The following ACOX3 variants were observed in gnomAD, a reference collection of about 807,000 sequenced individuals.
ACOX3 encodes the protein acyl-CoA oxidase 3, pristanoyl, also known as peroxisomal acyl-coenzyme A oxidase 3.
Under a neutral mutation model 81.5 loss-of-function variants are expected in ACOX3, and 73 were observed. The observed-to-expected ratio is 0.90, with a 90% CI of 0.74 to 1.09. The LOEUF (loss-of-function observed/expected upper bound fraction) is 1.09. ACOX3 is among the 50% of genes least tolerant of loss of function. ACOX3 has a pLI of 0.00. For missense variants in ACOX3, 947 were observed against 928.0 expected, an observed-to-expected ratio of 1.02 and a Z score of -0.27; for synonymous variants, 387 against 375.1, an observed-to-expected ratio of 1.03 and a Z score of -0.37.
In ACOX3 at chr4:8,403,400, C is replaced by T. The variant is rs191196073; in HGVS notation, c.776+2555G>A. ...AGCCCTGGATGGGAAATGTGCATTTCTGGAAAGGGGCGGAGAGCAGGCCGC... is the reference window on the plus strand; with the variant it reads ...AGCCCTGGATGGGAAATGTGCATTTTTGGAAAGGGGCGGAGAGCAGGCCGC... On this transcript the variant is annotated intron_variant, in intron 7 of 17. Transcript: ENST00000356406. Among the ~76,000 whole-genome samples, 6 of 152,300 alleles carry T rather than the reference C, an allele frequency of 3.9e-5. No homozygotes were observed. In the East Asian group the frequency reaches 1.2e-3, roughly 29 times the overall value.
At position 8,406,057 on chromosome 4, in the gene ACOX3, CA is replaced by C. The variant is rs1560191528; in HGVS notation, c.688-15del. ...CGGGTCCCGGATCTATACAAAGCCA[CA>C]GAAAGCAGCAAACAGCAACTGTTAC... On this transcript the variant is annotated splice_polypyrimidine_tract_variant and intron_variant, in intron 6 of 17. Transcript: ENST00000356406. This position sits in a 1 kb window ranked among gnomAD's most constrained non-coding sequence, Gnocchi z 5.6. 8.7e-6 allele frequency: 14 copies of C among 1,611,268 alleles called. No homozygotes were observed. Among genetic ancestry groups the C allele is most frequent in the Non-Finnish European group, 1.2e-5 (14 of 1,177,606 alleles).
At position 8,384,635 on chromosome 4, in the gene ACOX3, G is replaced by A. The variant is rs1578884016; in HGVS notation, c.1538-3028C>T. 6.6e-6 allele frequency among the ~76,000 whole-genome samples: 1 copy of A among 152,088 alleles called. No individual in the cohort carries two copies. Among genetic ancestry groups the A allele is most frequent in the East Asian group, 1.9e-4 (1 of 5,182 alleles). ...TGCCCCTCGATCTGCCCCCTCCCCA[G>A]CTGGGGCTCTGTCCTTGACCCCATG... On this transcript the variant is annotated intron_variant, in intron 13 of 17. Transcript: ENST00000356406. This position sits in a 1 kb window ranked among gnomAD's most constrained non-coding sequence, Gnocchi z 5.3.
rs148676434 is a variant in ACOX3, at chr4:8,433,863, A to G, written c.-15+6785T>C. On this transcript the variant is annotated intron_variant, in intron 1 of 17. Coordinates refer to ENST00000356406, the MANE Select transcript of ACOX3 (RefSeq NM_003501.3). ...TGTTGGGCTAAATTGGCAGTATCCA[A>G]CCTTCTCTGTTCCTCCTGGGGACAT... Among the ~76,000 whole-genome samples the G allele has an allele frequency of 3.9e-5, 6 of 152,278 alleles. No individual in the cohort carries two copies. The East Asian group carries it at 1.2e-3, about 29-fold the overall frequency.
At position 8,386,892 on chromosome 4, in the gene ACOX3, C is replaced by T. The variant is rs535545312; in HGVS notation, c.1537+2281G>A. Among the ~76,000 whole-genome samples, 13 of 152,346 alleles carry T rather than the reference C, an allele frequency of 8.5e-5. No individual in the cohort carries two copies. The South Asian group carries it at 1.0e-3, about 12-fold the overall frequency. On this transcript the variant is annotated intron_variant, in intron 13 of 17. Coordinates refer to ENST00000356406, the MANE Select transcript of ACOX3 (RefSeq NM_003501.3). This position sits in a 1 kb window ranked among gnomAD's most constrained non-coding sequence, Gnocchi z 5.2. The stretch of plus-strand genomic sequence containing the variant: ...AGGGCTGGAGACGGACAAGGACACA[C>T]GCTCGGGGGCTGCTATCACATCCAC...
intron 1 of ACOX3, among the ~76,000 whole-genome samples, chr4:8,421,783 G>C (rs1405738624): frequency 1.3e-5 from 2 of 152,140 alleles, no homozygotes; most frequent in Non-Finnish European, 1.5e-5. Flanking sequence ...TCTCGACATG[G>C]GAAGTTATGT....
At position 8,368,349 on chromosome 4, in the gene ACOX3, G is replaced by C. The variant is rs1021384212; in HGVS notation, c.1984-1269C>G. ...GAGGAAGGTTGTACAAATGAAGGGC[G>C]AAGGGCAGCTGAGCAGACACTTCAC... On this transcript the variant is annotated intron_variant, in intron 17 of 17. Coordinates refer to ENST00000356406, the MANE Select transcript of ACOX3 (RefSeq NM_003501.3). This position sits in a 1 kb window ranked among gnomAD's most constrained non-coding sequence, Gnocchi z 5.9. Among the ~76,000 whole-genome samples the C allele has an allele frequency of 6.6e-6, 1 of 152,234 alleles. No individual in the cohort carries two copies. Among genetic ancestry groups the C allele is most frequent in the Non-Finnish European group, 1.5e-5 (1 of 68,046 alleles).
chr4:8,367,806 C>CAAAA lies in ACOX3; in HGVS notation c.1984-730_1984-727dup, dbSNP rs535574857. Among the ~76,000 whole-genome samples the CAAAA allele has an allele frequency of 1.2e-3, 54 of 46,704 alleles. 4 individuals carry two copies. Among genetic ancestry groups the CAAAA allele is most frequent in the East Asian group, 3.6e-3 (3 of 844 alleles). The allele number at this position is 46,704 out of a possible 152,430, so 30.6% of individuals were successfully genotyped here. On this transcript the variant is annotated intron_variant, in intron 17 of 17. Transcript: ENST00000356406. Reference sequence around the variant, plus strand: ...GCAACACGGCGAAACCCCATCTTTACAAAAAAAAAAAAAAAAAAAAAAAAA... The same window carrying CAAAA: ...GCAACACGGCGAAACCCCATCTTTACAAAAAAAAAAAAAAAAAAAAAAAAAAAAA...
intron 8 of ACOX3, among the ~76,000 whole-genome samples, chr4:8,398,137 G>A (rs1719930186): frequency 6.6e-6 from 1 of 152,194 alleles, no homozygotes; most frequent in African/African-American, 2.4e-5. Context: ...TTGCACTGCA[G>A]CCTGGGTGAC....
intron 17 of ACOX3, among the ~76,000 whole-genome samples, chr4:8,369,355 C>T (rs755843949): frequency 2.1e-4 from 32 of 152,164 alleles, no homozygotes; most frequent in Non-Finnish European, 1.0e-4. Context: ...CCCAAGGCTC[C>T]CGCCAAGTCT....
chr4:8,393,713 G>A (rs1309023236), intron 10 of ACOX3, among the ~76,000 whole-genome samples: 1 of 151,938 alleles, frequency 6.6e-6, no homozygotes, highest in Non-Finnish European at 1.5e-5. Context: ...TCACATAAGG[G>A]GCTGAGCTGA....
At chr4:8,373,431 A>C in intron 16 of ACOX3, 130 bp downstream of exon 16, 2 of 924,686 alleles carry the variant, frequency 2.2e-6, no homozygotes, top group Admixed American at 2.1e-5. Context: ...GGTGACGCTA[A>C]GGGGGTGCGT....
chr4:8,421,992 A>G (rs1352758061), intron 1 of ACOX3, among the ~76,000 whole-genome samples: 1 of 152,256 alleles, frequency 6.6e-6, no homozygotes, highest in Non-Finnish European at 1.5e-5. Context: ...TGTGTCTACG[A>G]CAACAGAATA....
At chr4:8,360,488 T>G in the ACOX3 span, among the ~76,000 whole-genome samples, 1 of 151,760 alleles carries the variant, frequency 6.6e-6, no homozygotes, top group South Asian at 2.1e-4. Flanking sequence ...TTTTTTTTTT[T>G]TGAGACAGAG....
chr4:8,388,329 G>A (rs986852703), intron 13 of ACOX3, among the ~76,000 whole-genome samples: 4 of 152,244 alleles, frequency 2.6e-5, no homozygotes, highest in Non-Finnish European at 5.9e-5. Context: ...AGTCCCATGA[G>A]GGCAGGCACA....
chr4:8,431,756 C>T lies in ACOX3; in HGVS notation c.-15+8892G>A, dbSNP rs1190445310. Among the ~76,000 whole-genome samples the T allele has an allele frequency of 2.0e-5, 3 of 152,224 alleles. No individual in the cohort carries two copies. The highest frequency in any genetic ancestry group is 3.8e-4 in the East Asian group (2 of 5,202). On this transcript the variant is annotated intron_variant, in intron 1 of 17. Coordinates refer to ENST00000356406, the MANE Select transcript of ACOX3 (RefSeq NM_003501.3). The surrounding 1 kb of genome is among the most constrained non-coding windows in gnomAD (Gnocchi z 5.3). ...GCACTGCCATAGGGCCTCACCCACCCCCTCTCTTGTTTATCTTGACTTCTG... is the reference window on the plus strand; with the variant it reads ...GCACTGCCATAGGGCCTCACCCACCTCCTCTCTTGTTTATCTTGACTTCTG...
Position 8,406,122 on chromosome 4 carries a change from A to C in ACOX3, c.688-79T>G, listed in dbSNP as rs1720924505. 2.1e-6 allele frequency: 3 copies of C among 1,430,062 alleles called. No individual in the cohort carries two copies. The highest frequency in any genetic ancestry group is 2.9e-6 in the Non-Finnish European group (3 of 1,017,140). 88.6% of individuals were successfully genotyped at this position (1,430,062 alleles called of 1,614,324 possible). A position where few individuals can be genotyped will look rare whatever the true frequency, so the allele number is the denominator to read the frequency against. On this transcript the variant is annotated intron_variant, in intron 6 of 17. Transcript: ENST00000356406. This position sits in a 1 kb window ranked among gnomAD's most constrained non-coding sequence, Gnocchi z 5.6. ...TCAAAACAAATGTGTTCAGAAACCC[A>C]CAGGGTGGGCCATGGGCTCAACGCT...
At position 8,373,531 on chromosome 4, in the gene ACOX3, G is replaced by A. The variant is rs776282352; in HGVS notation, c.1896+30C>T. 16 of 1,611,572 alleles carry A rather than the reference G, an allele frequency of 9.9e-6. No homozygotes were observed. In the East Asian group the frequency reaches 1.8e-4, roughly 18 times the overall value. On this transcript the variant is annotated intron_variant, in intron 16 of 17. Transcript: ENST00000356406. ...CTCTGGGCGGTTGTGTAACATGGAT[G>A]TAGAGAACGCGACAGCACCCACGGC...
rs1022440641 is a variant in ACOX3 at position 8,431,019 on chromosome 4, A to G, written c.-15+9629T>C. On this transcript the variant is annotated intron_variant, in intron 1 of 17. Coordinates refer to ENST00000356406, the MANE Select transcript of ACOX3 (RefSeq NM_003501.3). This position sits in a 1 kb window ranked among gnomAD's most constrained non-coding sequence, Gnocchi z 5.3. Reference sequence around the variant, plus strand: ...AGTACAGGTAAAAGACAAGGGCCTGAGATAAGGCCATCTTGGTGGAGCTGG... The same window carrying G: ...AGTACAGGTAAAAGACAAGGGCCTGGGATAAGGCCATCTTGGTGGAGCTGG... Among the ~76,000 whole-genome samples, 11 of 152,238 alleles carry G rather than the reference A, an allele frequency of 7.2e-5. No homozygotes were observed. Among genetic ancestry groups the G allele is most frequent in the Admixed American group, 7.2e-4 (11 of 15,296 alleles).
rs189912530 is a variant in ACOX3, at chr4:8,410,426, T to C, written c.544-71A>G. On this transcript the variant is annotated intron_variant, in intron 5 of 17. Coordinates refer to ENST00000356406, the MANE Select transcript of ACOX3 (RefSeq NM_003501.3). ...ACATGCAGAATTGGTGTTTTCCTTT[T>C]AGACAGATTCCATTTTCTACGTTCA... 6 of 1,556,064 alleles carry C rather than the reference T, an allele frequency of 3.9e-6. No individual in the cohort carries two copies. The African/African-American group carries it at 6.8e-5, about 18-fold the overall frequency.
Sources: allele counts gnomAD v4.1 joint callset (sites outside exome capture counted in the v4.1 genomes callset), GRCh38; gene constraint gnomAD v4.1.1; non-coding constraint Gnocchi (gnomAD v3.1); transcripts MANE v1.5; gene names NCBI Gene and HGNC (gene_info 2026-07-23, HGNC 2026-07-21).